The following PREX2 variants were observed in gnomAD, a reference collection of about 807,000 sequenced individuals.
PREX2 encodes phosphatidylinositol 3,4,5-trisphosphate-dependent Rac exchanger 2 protein.
A neutral mutation model predicts 203.2 loss-of-function variants in PREX2; 107 were observed. That is an observed-to-expected ratio of 0.53 (90% CI 0.45 to 0.62). The LOEUF (loss-of-function observed/expected upper bound fraction) is 0.62, where lower values mean the gene tolerates loss of function less well. Among genes scored for constraint, PREX2 ranks in the 20% least tolerant of loss-of-function variants. The pLI, the probability that PREX2 is intolerant of heterozygous loss-of-function variation, is 0.00. For synonymous variants in PREX2, 672 were observed against 663.6 expected, an observed-to-expected ratio of 1.01 and a Z score of -0.19; for missense variants, 1,777 against 1,955.9, an observed-to-expected ratio of 0.91 and a Z score of 1.72.
chr8:68,136,909 C>CT (rs959053848), intron 32 of PREX2, among the ~76,000 whole-genome samples: 242 of 144,888 alleles, frequency 1.7e-3, no homozygotes, highest in Non-Finnish European at 1.9e-3. Context: ...GTTACAGCAA[C>CT]TTTTTTTTTT....
chr8:68,170,862 C>T (rs1366876343), intron 35 of PREX2, among the ~76,000 whole-genome samples: 1 of 152,106 alleles, frequency 6.6e-6, no homozygotes, highest in Non-Finnish European at 1.5e-5. Flanking sequence ...CTTTACCAAA[C>T]CCATTCATTT....
chr8:68,205,972 C>T (rs935338596), intron 37 of PREX2, among the ~76,000 whole-genome samples: 11 of 151,960 alleles, frequency 7.2e-5, no homozygotes, highest in African/African-American at 2.2e-4. Context: ...TAATTTGGAC[C>T]GCCTGAATTG....
chr8:68,181,927 C>T (rs933632152), intron 35 of PREX2, among the ~76,000 whole-genome samples: 3 of 151,970 alleles, frequency 2.0e-5, no homozygotes, highest in Admixed American at 6.6e-5. Flanking sequence ...CAAATCCTTA[C>T]GTCACAGCAG....
At chr8:68,052,475 T>C (rs1364776766) in intron 8 of PREX2, among the ~76,000 whole-genome samples, 1 of 152,210 alleles carries the variant, frequency 6.6e-6, no homozygotes, top group Admixed American at 6.5e-5. Context: ...TTCAAAAATT[T>C]TTTTATAAGT....
At chr8:68,145,898 T>C (rs1391390760) in intron 33 of PREX2, among the ~76,000 whole-genome samples, 1 of 152,100 alleles carries the variant, frequency 6.6e-6, no homozygotes, top group Non-Finnish European at 1.5e-5. Flanking sequence ...CCCTGGGAGA[T>C]TTTGATTCCA....
chr8:68,193,741 A>G (rs1190269285), intron 37 of PREX2, among the ~76,000 whole-genome samples: 1 of 152,208 alleles, frequency 6.6e-6, no homozygotes, highest in Non-Finnish European at 1.5e-5. Context: ...TAGATATGGG[A>G]ACTCTTCATG....
intron 37 of PREX2, among the ~76,000 whole-genome samples, chr8:68,204,756 C>T (rs1466670862): frequency 7.2e-6 from 1 of 139,734 alleles, no homozygotes; most frequent in Non-Finnish European, 1.5e-5. Context: ...GTGATCTCGG[C>T]TCACTGCAAG....
chr8:68,146,300 A>G lies in PREX2; in HGVS notation c.4179A>G (p.Gln1393=). The change falls in exon 34 of 40, where the codon CAA becomes CAG. Residue 1393 remains glutamine (Q), a synonymous_variant. Coordinates refer to ENST00000288368, the MANE Select transcript of PREX2 (RefSeq NM_024870.4). ...GTTATCATTTTGAACAACTTCCTCA[A>G]CGGCTGAAAAATGGAGGAGGGTTTA... The part of the protein sequence containing the change: ...IDSYHFEQLP[Q]RLKNGGGFKI... 1.2e-6 allele frequency: 2 copies of G among 1,613,030 alleles called. No homozygotes were observed. Among genetic ancestry groups the G allele is most frequent in the South Asian group, 2.2e-5 (2 of 91,010 alleles).
chr8:67,964,052 T>C (rs189181808), intron 1 of PREX2, among the ~76,000 whole-genome samples: 175 of 152,240 alleles, frequency 1.1e-3, no homozygotes, highest in African/African-American at 4.0e-3. Flanking sequence ...ATTCTCTAGG[T>C]GTTTCCAATG....
chr8:68,202,524 C>T (rs1472360241), intron 37 of PREX2, among the ~76,000 whole-genome samples: 2 of 152,012 alleles, frequency 1.3e-5, no homozygotes, highest in African/African-American at 2.4e-5. Context: ...GGGACAAGGA[C>T]GGAGGCAGGG....
At chr8:68,061,084 G>A (rs1808835585) in intron 11 of PREX2, among the ~76,000 whole-genome samples, 1 of 152,204 alleles carries the variant, frequency 6.6e-6, no homozygotes, top group South Asian at 2.1e-4. Context: ...CTTCATGGAG[G>A]ACGGGACATG....
In PREX2 at chr8:68,038,214, A is replaced by G. The variant is rs1411771570; in HGVS notation, c.761A>G (p.Lys254Arg). Reference sequence around the variant, plus strand: ...ATGCTAATGTGTGGAGTCTTACTGAAAATTTCTTCTGGAAATATTCAAGAA... The same window carrying G: ...ATGCTAATGTGTGGAGTCTTACTGAGAATTTCTTCTGGAAATATTCAAGAA... ...TEMLMCGVLLKISSGNIQERV... is the reference protein window; with the variant it reads ...TEMLMCGVLLRISSGNIQERV... The change falls in exon 7 of 40, where the codon AAA becomes AGA. Residue 254 changes from lysine (K) to arginine (R), a missense_variant. Coordinates refer to ENST00000288368, the MANE Select transcript of PREX2 (RefSeq NM_024870.4). 6.2e-7 allele frequency: 1 copy of G among 1,613,846 alleles called. No individual in the cohort carries two copies. Among genetic ancestry groups the G allele is most frequent in the Admixed American group, 1.7e-5 (1 of 60,000 alleles).
At chr8:68,105,506 C>T (rs2597857) in intron 23 of PREX2, 1 of 1,160,118 alleles carries the variant, frequency 8.6e-7, no homozygotes, top group South Asian at 1.8e-5. Context: ...AGAGAATCTT[C>T]TGCCAGCTCT....
intron 35 of PREX2, among the ~76,000 whole-genome samples, chr8:68,170,787 C>G (rs1485964695): frequency 6.6e-6 from 1 of 152,124 alleles, no homozygotes; most frequent in Non-Finnish European, 1.5e-5. Flanking sequence ...TTTTTAGTCT[C>G]TCTGGCCATG....
At chr8:68,079,156 A>G (rs1168230134) in intron 15 of PREX2, among the ~76,000 whole-genome samples, 1 of 152,198 alleles carries the variant, frequency 6.6e-6, no homozygotes, top group Non-Finnish European at 1.5e-5. Context: ...CCCCGTCTCT[A>G]CAGAAATTTA....
At position 68,051,840 on chromosome 8, in the gene PREX2, G is replaced by A. The variant is rs146746154; in HGVS notation, c.944-1257G>A. On this transcript the variant is annotated intron_variant, in intron 8 of 39. Coordinates refer to ENST00000288368, the MANE Select transcript of PREX2 (RefSeq NM_024870.4). ...CATTTTTGATTATTCATGGATTATG[G>A]CACCTATATAAAATACAGACTAATG... 9.8e-4 allele frequency among the ~76,000 whole-genome samples: 149 copies of A among 152,082 alleles called. 3 individuals carry two copies. The East Asian group carries it at 0.022, about 23-fold the overall frequency.
chr8:68,146,301 C>A lies in PREX2; in HGVS notation c.4180C>A (p.Arg1394=), dbSNP rs61753703. ...TTATCATTTTGAACAACTTCCTCAA[C>A]GGCTGAAAAATGGAGGAGGGTTTAA... is the stretch of plus-strand genomic sequence containing the variant. The part of the protein sequence containing the change: ...DSYHFEQLPQ[R]LKNGGGFKIH... The change falls in exon 34 of 40, where the codon CGG becomes AGG. Residue 1394 remains arginine (R), a synonymous_variant. Transcript: ENST00000288368. 6.2e-7 allele frequency: 1 copy of A among 1,612,756 alleles called. No homozygotes were observed. The highest frequency in any genetic ancestry group is 8.5e-7 in the Non-Finnish European group (1 of 1,179,336).
intron 1 of PREX2, among the ~76,000 whole-genome samples, chr8:67,997,556 A>G (rs1806802832): frequency 6.6e-6 from 1 of 152,114 alleles, no homozygotes; most frequent in African/African-American, 2.4e-5. Context: ...AAGTTGTCTA[A>G]CTTTCCTTTT....
intron 1 of PREX2, among the ~76,000 whole-genome samples, chr8:67,960,350 T>G (rs907153596): frequency 1.3e-5 from 2 of 151,450 alleles, no homozygotes; most frequent in South Asian, 2.1e-4. Context: ...CCGGAAGTGG[T>G]TTTTTTTTCC....
Sources: gnomAD v4.1 joint callset for allele counts (sites outside exome capture counted in the v4.1 genomes callset) on GRCh38, gnomAD v4.1.1 for gene constraint, MANE v1.5 for transcripts, NCBI Gene and HGNC (gene_info 2026-07-23, HGNC 2026-07-21) for gene names.